AP3B1: variants seen among roughly 807,000 people sequenced by gnomAD.
AP3B1 encodes AP-3 complex subunit beta-1.
A neutral mutation model predicts 132.5 loss-of-function variants in AP3B1; 61 were observed. That is an observed-to-expected ratio of 0.46 (90% CI 0.37 to 0.57). AP3B1 has a LOEUF of 0.57. AP3B1 is among the 20% of genes least tolerant of loss of function. AP3B1 has a pLI of 0.00. For missense variants in AP3B1, 1,120 were observed against 1,289.4 expected, an observed-to-expected ratio of 0.87 and a Z score of 2.01; for synonymous variants, 388 against 438.3, an observed-to-expected ratio of 0.89 and a Z score of 1.43.
chr5:78,157,618 A>G (rs761929302), intron 13 of AP3B1, among the ~76,000 whole-genome samples: 2 of 152,254 alleles, frequency 1.3e-5, no homozygotes, highest in Non-Finnish European at 2.9e-5. Context: ...TGCCAAAGAA[A>G]TAAATCAACA....
intron 3 of AP3B1, among the ~76,000 whole-genome samples, chr5:78,231,392 TTGAACACC>T (rs1238974898): frequency 6.6e-6 from 1 of 152,038 alleles, no homozygotes; most frequent in African/African-American, 2.4e-5. Context: ...CAGGCTGGTC[TTGAACACC>T]TGACCTCAGG....
chr5:78,045,714 G>A (rs921962233), intron 22 of AP3B1, among the ~76,000 whole-genome samples: 7 of 152,138 alleles, frequency 4.6e-5, no homozygotes, highest in African/African-American at 9.7e-5. Flanking sequence ...TGCAAATGGC[G>A]TTCTTGACTT....
chr5:78,018,975 C>T (rs2112061969), intron 25 of AP3B1, among the ~76,000 whole-genome samples: 1 of 152,158 alleles, frequency 6.6e-6, no homozygotes, highest in East Asian at 1.9e-4. Flanking sequence ...GCATCAAGTT[C>T]CACATCAAAG....
rs1290648194 is a variant in AP3B1 at position 78,128,161 on chromosome 5, C to CTTT, written c.1838-2_1838-1insAAA. 1.9e-6 allele frequency: 3 copies of CTTT among 1,598,188 alleles called. No homozygotes were observed. Among genetic ancestry groups the CTTT allele is most frequent in the Admixed American group, 1.7e-5 (1 of 59,780 alleles). On this transcript the variant is annotated splice_acceptor_variant, in intron 16 of 26. Transcript: ENST00000255194. LOFTEE classifies it high-confidence loss of function. ...GTGCCAAGCTGGAAATGATCTCTATCTATTAAAAATAGGGAAAAATATAAA... is the reference window on the plus strand; with the variant it reads ...GTGCCAAGCTGGAAATGATCTCTATCTTTTATTAAAAATAGGGAAAAATATAAA...
At chr5:78,016,843 ACAGT>A (rs1746876379) in intron 25 of AP3B1, among the ~76,000 whole-genome samples, 1 of 152,082 alleles carries the variant, frequency 6.6e-6, no homozygotes, top group Admixed American at 6.5e-5. Flanking sequence ...AACTATACAA[ACAGT>A]CAAACACTGC....
At chr5:78,118,552 A>G (rs749881540) in intron 17 of AP3B1, among the ~76,000 whole-genome samples, 2 of 152,214 alleles carry the variant, frequency 1.3e-5, no homozygotes, top group African/African-American at 2.4e-5. Flanking sequence ...AGAGGGTCCT[A>G]CACCCACGGA....
chr5:78,131,738 GAGC>G (rs1159069062), intron 15 of AP3B1, among the ~76,000 whole-genome samples: 1 of 152,046 alleles, frequency 6.6e-6, no homozygotes, highest in African/African-American at 2.4e-5. Flanking sequence ...ATTAAATCTT[GAGC>G]TCTCACCATT....
intron 7 of AP3B1, among the ~76,000 whole-genome samples, chr5:78,184,991 T>TTACCAATAACAGAAAAACAAGTCTAAA (rs1219757677): frequency 2.0e-5 from 3 of 152,010 alleles, no homozygotes; most frequent in Non-Finnish European, 4.4e-5. Context: ...AAATGACACT[T>TTACCAATAACAGAAAAACAAGTCTAAA]TACCAATAAC....
At chr5:78,142,339 T>G (rs1301648193) in intron 14 of AP3B1, among the ~76,000 whole-genome samples, 1 of 152,240 alleles carries the variant, frequency 6.6e-6, no homozygotes, top group African/African-American at 2.4e-5. Context: ...AGAGGGTGTG[T>G]AAATTCATTT....
At position 78,175,852 on chromosome 5, in the gene AP3B1, G is replaced by A; in HGVS notation, c.1041-14C>T. 6.3e-7 allele frequency: 1 copy of A among 1,599,254 alleles called. No homozygotes were observed. Among genetic ancestry groups the A allele is most frequent in the Non-Finnish European group, 8.6e-7 (1 of 1,168,462 alleles). ...TACTGCACCTCCCTAGAAATCAAAA[G>A]ATAATTTTTACTGGGTATATGTTCC... On this transcript the variant is annotated splice_polypyrimidine_tract_variant and intron_variant, in intron 9 of 26. Transcript: ENST00000255194.
chr5:78,045,502 T>G (rs1179717732), intron 22 of AP3B1, among the ~76,000 whole-genome samples: 1 of 152,044 alleles, frequency 6.6e-6, no homozygotes. Context: ...ATAAAATACA[T>G]AGGTGATATT....
intron 17 of AP3B1, 117 bp from the exon 18 acceptor site, chr5:78,116,351 G>A: frequency 1.2e-6 from 1 of 820,144 alleles, no homozygotes; most frequent in African/African-American, 1.7e-5. Flanking sequence ...GCCTCCACAG[G>A]GAATGCAACT....
chr5:78,246,776 A>C (rs1182065029), intron 2 of AP3B1, among the ~76,000 whole-genome samples: 1 of 152,028 alleles, frequency 6.6e-6, no homozygotes, highest in Non-Finnish European at 1.5e-5. Context: ...CTAGTTTTTC[A>C]TTTCACTGAT....
At chr5:78,143,234 A>C (rs1256806386) in intron 14 of AP3B1, among the ~76,000 whole-genome samples, 1 of 152,126 alleles carries the variant, frequency 6.6e-6, no homozygotes, top group Non-Finnish European at 1.5e-5. Flanking sequence ...TAATGTTTAA[A>C]GAGATTGTTT....
chr5:78,277,124 A>G (rs767786406), intron 1 of AP3B1, among the ~76,000 whole-genome samples: 2 of 152,222 alleles, frequency 1.3e-5, no homozygotes, highest in Admixed American at 1.3e-4. Context: ...CTTGTATCTT[A>G]TTTTAGTATC....
chr5:78,227,556 A>G (rs781749340), intron 4 of AP3B1, 24 bp from the exon 5 acceptor site: 1 of 1,612,748 alleles, frequency 6.2e-7, no homozygotes, highest in East Asian at 2.2e-5. Context: ...AAAAATATTC[A>G]CCAAAATTTC....
chr5:78,211,010 G>A (rs1745713123), intron 7 of AP3B1, among the ~76,000 whole-genome samples: 1 of 152,016 alleles, frequency 6.6e-6, no homozygotes, highest in Non-Finnish European at 1.5e-5. Context: ...CACATGGACT[G>A]CAAAGAGTAA....
chr5:78,052,690 T>C (rs141495460), intron 22 of AP3B1, among the ~76,000 whole-genome samples: 1 of 152,344 alleles, frequency 6.6e-6, no homozygotes, highest in African/African-American at 2.4e-5. Flanking sequence ...TACAATGGTT[T>C]TGATATAAGG....
intron 1 of AP3B1, among the ~76,000 whole-genome samples, chr5:78,269,846 G>A (rs1290729501): frequency 2.0e-5 from 3 of 152,074 alleles, no homozygotes; most frequent in Non-Finnish European, 4.4e-5. Context: ...AATTTAAAAA[G>A]TGGGGCTTGT....
Sources: allele counts gnomAD v4.1 joint callset (sites outside exome capture counted in the v4.1 genomes callset), GRCh38; gene constraint gnomAD v4.1.1; transcripts MANE v1.5; gene names NCBI Gene and HGNC (gene_info 2026-07-23, HGNC 2026-07-21).